Variants in AIDA observed in about 807,000 individuals in gnomAD.
AIDA encodes the protein axin interactor, dorsalization associated, also known as axin interactor, dorsalization-associated protein.
Under a neutral mutation model 42.7 loss-of-function variants are expected in AIDA, and 18 were observed. The ratio of observed to expected loss-of-function variants is 0.42; its 90% CI spans 0.29 to 0.63. The LOEUF is 0.63. Ranked by LOEUF, AIDA falls within the 20% of genes least tolerant of loss-of-function variation. The probability of loss-of-function intolerance (pLI) is 0.19; values close to 1 mark genes in which losing one functional copy is unlikely to be tolerated. For synonymous variants in AIDA, 104 were observed against 122.9 expected (o/e 0.85, Z 1.02); for missense variants, 250 against 354.1 (o/e 0.71, Z 2.36).
In AIDA at chr1:222,689,481, GTATATA is replaced by G. The variant is rs1183093082; in HGVS notation, c.290-1829_290-1824del. Among the ~76,000 whole-genome samples the G allele has an allele frequency of 9.7e-3, 342 of 35,342 alleles. 6 individuals carry two copies. The highest frequency in any genetic ancestry group is 0.019 in the African/African-American group (256 of 13,514). The allele number at this position is 35,342 out of a possible 152,430, so 23.2% of individuals were successfully genotyped here. On this transcript the variant is annotated intron_variant, in intron 4 of 9. Coordinates refer to ENST00000340020, the MANE Select transcript of AIDA (RefSeq NM_022831.4). ...AAAGAAAATATGTATGTGTGTGTGT[GTATATA>G]TATATATATATATATATATATATAT...
chr1:222,675,822 C>T (rs1173632762), intron 7 of AIDA, among the ~76,000 whole-genome samples: 2 of 152,154 alleles, frequency 1.3e-5, no homozygotes, highest in Admixed American at 1.3e-4. Context: ...GCCAGCACCC[C>T]AGATGGGATG....
Position 222,670,206 on chromosome 1 carries a change from T to C in AIDA, c.751A>G (p.Arg251Gly), listed in dbSNP as rs745701393. The C allele has an allele frequency of 1.7e-5, 28 of 1,611,858 alleles. No individual in the cohort carries two copies. The South Asian group carries it at 3.1e-4, about 18-fold the overall frequency. ...FEFKHYKPKKRFTSTKCFAFM... is the reference protein window; with the variant it reads ...FEFKHYKPKKGFTSTKCFAFM... ...GCAAAACACTTGGTGCTGGTAAACC[T>C]TTTTTTAGGCTTGTAGTGTTTGAAT... Residue 251 changes from arginine (R) to glycine (G), a missense_variant, in exon 9 of 10, where the codon AGG becomes GGG. By Grantham distance (125) the Arg-to-Gly change is moderately radical. Around this residue, in one of 4 missense-constraint regions of AIDA, gnomAD observed 35 missense variants for 75.9 expected, o/e 0.46. Coordinates refer to ENST00000340020, the MANE Select transcript of AIDA (RefSeq NM_022831.4).
At chr1:222,686,702 T>C (rs1012443020) in intron 6 of AIDA, among the ~76,000 whole-genome samples, 1 of 152,140 alleles carries the variant, frequency 6.6e-6, no homozygotes, top group Non-Finnish European at 1.5e-5. Flanking sequence ...TTGTGAGTTG[T>C]CCTAGTGAAT....
At chr1:222,689,559 G>T (rs1433241251) in intron 4 of AIDA, among the ~76,000 whole-genome samples, 2 of 30,590 alleles carry the variant, frequency 6.5e-5, no homozygotes, top group South Asian at 9.3e-4. Flanking sequence ...ACATATATAT[G>T]TATATATATG....
intron 8 of AIDA, 25 bp downstream of exon 8, chr1:222,673,288 C>G: frequency 6.3e-7 from 1 of 1,583,142 alleles, no homozygotes; most frequent in Non-Finnish European, 8.6e-7. Flanking sequence ...CCATAAGAAG[C>G]CAAGTATTAT....
chr1:222,693,156 TAG>T (rs774584057), intron 4 of AIDA, among the ~76,000 whole-genome samples: 26 of 152,308 alleles, frequency 1.7e-4, no homozygotes, highest in Non-Finnish European at 1.5e-5. Flanking sequence ...GATGGATAAA[TAG>T]ACTCTATATA....
chr1:222,689,843 A>T (rs116636225), intron 4 of AIDA, among the ~76,000 whole-genome samples: 1 of 151,446 alleles, frequency 6.6e-6, no homozygotes, highest in East Asian at 1.9e-4. Flanking sequence ...AGGCCTTCAT[A>T]TCCACTTATC....
intron 1 of AIDA, among the ~76,000 whole-genome samples, chr1:222,711,140 A>G (rs1033240265): frequency 1.3e-5 from 2 of 152,236 alleles, no homozygotes; most frequent in Admixed American, 6.5e-5. Context: ...GTGGTTTCAT[A>G]CTCAGTGAAA....
At chr1:222,683,699 A>G (rs1425496140) in intron 6 of AIDA, among the ~76,000 whole-genome samples, 1 of 152,194 alleles carries the variant, frequency 6.6e-6, no homozygotes, top group African/African-American at 2.4e-5. Context: ...TTATAGCTTT[A>G]CTATTCAAGA....
intron 7 of AIDA, among the ~76,000 whole-genome samples, chr1:222,675,223 T>G (rs536734620): frequency 5.8e-4 from 88 of 152,348 alleles, no homozygotes; most frequent in African/African-American, 2.0e-3. Context: ...TGCCTCAAAT[T>G]ACAGATTAAA....
intron 6 of AIDA, among the ~76,000 whole-genome samples, chr1:222,682,535 A>G (rs1397726087): frequency 6.6e-6 from 1 of 152,214 alleles, no homozygotes; most frequent in Admixed American, 6.5e-5. Context: ...GACAGAATTC[A>G]ATCAGGTGTC....
intron 8 of AIDA, among the ~76,000 whole-genome samples, chr1:222,672,844 C>G (rs1206365791): frequency 5.3e-5 from 8 of 152,180 alleles, no homozygotes; most frequent in Non-Finnish European, 1.2e-4. Context: ...GTATTTAATA[C>G]TAAGAATCAT....
intron 7 of AIDA, among the ~76,000 whole-genome samples, chr1:222,674,608 C>T (rs1189717874): frequency 2.0e-5 from 3 of 152,098 alleles, no homozygotes; most frequent in Non-Finnish European, 4.4e-5. Context: ...TACGTTTTTA[C>T]AAATATTATC....
Position 222,677,379 on chromosome 1 carries a change from TC to T in AIDA, c.461-1162del, listed in dbSNP as rs1252931590. Among the ~76,000 whole-genome samples the T allele has an allele frequency of 1.5e-4, 23 of 152,182 alleles. No homozygotes were observed. The East Asian group carries it at 2.3e-3, about 15-fold the overall frequency. On this transcript the variant is annotated intron_variant, in intron 6 of 9. Transcript: ENST00000340020. ...ACATCTGCAAATAAAGGGACAGGTT[TC>T]CCCCCCTCTAATTTTTATATTTTAT...
chr1:222,702,186 A>C (rs912620500), intron 2 of AIDA, among the ~76,000 whole-genome samples: 1 of 152,206 alleles, frequency 6.6e-6, no homozygotes, highest in African/African-American at 2.4e-5. Flanking sequence ...TCTTCTTCCC[A>C]AATTCCTATA....
At chr1:222,712,003 A>G in intron 1 of AIDA, 1 of 666,732 alleles carries the variant, frequency 1.5e-6, no homozygotes, top group Non-Finnish European at 2.5e-6. Context: ...GAGAGGGAAG[A>G]AGGCGAGTCA....
chr1:222,670,293 T>A (rs758746807), intron 8 of AIDA, 43 bp from the exon 9 acceptor site: 2 of 1,480,492 alleles, frequency 1.4e-6, no homozygotes, highest in South Asian at 2.3e-5. Flanking sequence ...GATAGCACAT[T>A]TCTTGTGTGT....
chr1:222,671,924 T>C (rs1664456307), intron 8 of AIDA, among the ~76,000 whole-genome samples: 1 of 152,204 alleles, frequency 6.6e-6, no homozygotes, highest in Admixed American at 6.5e-5. Context: ...AAAACAATAC[T>C]AAAGTTCAAA....
intron 7 of AIDA, among the ~76,000 whole-genome samples, chr1:222,674,912 A>C (rs1474333643): frequency 6.6e-6 from 1 of 152,228 alleles, no homozygotes; most frequent in Non-Finnish European, 1.5e-5. Context: ...ACTATCATTA[A>C]ACATCTTTTT....
Sources: allele counts gnomAD v4.1 joint callset (sites outside exome capture counted in the v4.1 genomes callset), GRCh38; gene constraint gnomAD v4.1.1; regional missense constraint gnomAD v4.1.1; transcripts MANE v1.5; gene names NCBI Gene and HGNC (gene_info 2026-07-23, HGNC 2026-07-21).